The following PTPN4 variants were observed in gnomAD, a reference collection of about 807,000 sequenced individuals.
The protein encoded by PTPN4 is tyrosine-protein phosphatase non-receptor type 4.
Under a neutral mutation model 135.5 loss-of-function variants are expected in PTPN4, and 49 were observed. The ratio of observed to expected loss-of-function variants is 0.36; its 90% CI spans 0.29 to 0.46. PTPN4 has a LOEUF of 0.46. Among genes scored for constraint, PTPN4 ranks in the 20% least tolerant of loss-of-function variants. The probability of loss-of-function intolerance (pLI) is 1.00; values close to 1 mark genes in which losing one functional copy is unlikely to be tolerated. For synonymous variants in PTPN4, 333 were observed against 369.9 expected, an observed-to-expected ratio of 0.90 and a Z score of 1.14; for missense variants, 860 against 1,101.0, an observed-to-expected ratio of 0.78 and a Z score of 3.10.
chr2:119,823,235 C>CTT lies in PTPN4; in HGVS notation c.138+13259_138+13260dup, dbSNP rs904685057. ...CATTCTGGATATACTTCATCTGTTT[C>CTT]TTTTTTTTTTTTTTTTGGAGACGCA... On this transcript the variant is annotated intron_variant, in intron 2 of 26. Transcript: ENST00000263708. 1.1e-4 allele frequency among the ~76,000 whole-genome samples: 15 copies of CTT among 139,618 alleles called. 1 individual carries two copies. The highest frequency in any genetic ancestry group is 1.4e-4 in the Non-Finnish European group (9 of 63,502). 91.6% of individuals were successfully genotyped at this position (139,618 alleles called of 152,430 possible).
chr2:119,856,360 A>C (rs1016369184), intron 2 of PTPN4, among the ~76,000 whole-genome samples: 1 of 152,120 alleles, frequency 6.6e-6, no homozygotes, highest in Non-Finnish European at 1.5e-5. Flanking sequence ...ATTTGCTATT[A>C]CCCGATCAAC....
chr2:119,768,031 A>G (rs1399402387), intron 1 of PTPN4, among the ~76,000 whole-genome samples: 5 of 152,190 alleles, frequency 3.3e-5, no homozygotes, highest in Non-Finnish European at 7.3e-5. Flanking sequence ...GTTGTCACCT[A>G]CATTTATTAG....
intron 1 of PTPN4, among the ~76,000 whole-genome samples, chr2:119,802,979 T>C (rs570408467): frequency 1.3e-5 from 2 of 152,302 alleles, no homozygotes; most frequent in South Asian, 4.1e-4. Context: ...TTATGTCAAA[T>C]TGATGTATAA....
chr2:119,903,128 C>T (rs549990212), intron 10 of PTPN4, among the ~76,000 whole-genome samples: 1 of 152,212 alleles, frequency 6.6e-6, no homozygotes, highest in Non-Finnish European at 1.5e-5. Flanking sequence ...ATGGGCAGTG[C>T]AGTGTGCCAG....
In PTPN4 at chr2:119,956,825, C is replaced by CTTTT; in HGVS notation, c.1981-6_1981-3dup. Reference sequence around the variant, plus strand: ...TTTATGGCTTTTGTTGGAATTGTACCTTTTTTTTTTTTTTTTAGCAACTGT... The same window carrying CTTTT: ...TTTATGGCTTTTGTTGGAATTGTACCTTTTTTTTTTTTTTTTTTTTAGCAACTGT... On this transcript the variant is annotated intron_variant, in intron 20 of 26. Coordinates refer to ENST00000263708, the MANE Select transcript of PTPN4 (RefSeq NM_002830.4). The CTTTT allele has an allele frequency of 3.0e-5, 45 of 1,505,874 alleles. No individual in the cohort carries two copies. The highest frequency in any genetic ancestry group is 2.1e-4 in the East Asian group (9 of 42,462). 93.3% of individuals were successfully genotyped at this position (1,505,874 alleles called of 1,614,324 possible). A position where few individuals can be genotyped will look rare whatever the true frequency, so the allele number is the denominator to read the frequency against.
intron 3 of PTPN4, among the ~76,000 whole-genome samples, chr2:119,874,290 A>T (rs902294582): frequency 6.6e-6 from 1 of 152,208 alleles, no homozygotes; most frequent in Non-Finnish European, 1.5e-5. Flanking sequence ...AGTTAAATAT[A>T]CAATTATCCT....
chr2:119,886,871 G>C (rs192247343), intron 9 of PTPN4, among the ~76,000 whole-genome samples: 9 of 152,198 alleles, frequency 5.9e-5, no homozygotes, highest in African/African-American at 2.2e-4. Flanking sequence ...TAAAAGACCA[G>C]ATGAATTGCT....
intron 1 of PTPN4, among the ~76,000 whole-genome samples, chr2:119,788,997 T>C: frequency 6.6e-6 from 1 of 152,210 alleles, no homozygotes; most frequent in Non-Finnish European, 1.5e-5. Flanking sequence ...ACAACTCTAC[T>C]GTTTTCCACA....
intron 26 of PTPN4, among the ~76,000 whole-genome samples, chr2:119,972,185 A>C (rs567007889): frequency 3.3e-5 from 5 of 151,614 alleles, no homozygotes; most frequent in African/African-American, 1.2e-4. Context: ...TAAAAAAAAA[A>C]CCAGCAACCA....
chr2:119,806,529 A>G (rs1451867976), intron 1 of PTPN4, among the ~76,000 whole-genome samples: 2 of 152,224 alleles, frequency 1.3e-5, no homozygotes, highest in African/African-American at 4.8e-5. Context: ...AGAGCTAACT[A>G]TCCTAAATAT....
intron 15 of PTPN4, 33 bp from the exon 16 acceptor site, chr2:119,945,048 T>C (rs1323645805): frequency 4.5e-6 from 7 of 1,554,712 alleles, no homozygotes; most frequent in Admixed American, 2.2e-5. Context: ...AAAAAAGTTA[T>C]GAAACAACTT....
At chr2:119,946,195 C>A in intron 16 of PTPN4, 146 bp from the exon 17 acceptor site, 1 of 608,508 alleles carries the variant, frequency 1.6e-6, no homozygotes, top group Non-Finnish European at 2.7e-6. Context: ...AAAGAATTTA[C>A]TCTTCTGAAC....
At chr2:119,900,889 C>A (rs367718813) in intron 10 of PTPN4, 83 bp downstream of exon 10, 3 of 800,888 alleles carry the variant, frequency 3.7e-6, no homozygotes, top group East Asian at 3.1e-5. Context: ...GGCTGTTGAA[C>A]TATTTTAATG....
chr2:119,778,264 C>T (rs1690874840), intron 1 of PTPN4, among the ~76,000 whole-genome samples: 1 of 152,162 alleles, frequency 6.6e-6, no homozygotes. Flanking sequence ...AAAGAACTAG[C>T]TGGCTGCTTC....
intron 2 of PTPN4, among the ~76,000 whole-genome samples, chr2:119,839,345 G>A (rs1161252237): frequency 6.6e-6 from 1 of 152,038 alleles, no homozygotes; most frequent in East Asian, 1.9e-4. Context: ...TCTTATACTC[G>A]CAGAAGATTT....
intron 1 of PTPN4, among the ~76,000 whole-genome samples, chr2:119,788,961 T>C (rs1691092167): frequency 1.3e-5 from 2 of 152,226 alleles, no homozygotes; most frequent in African/African-American, 2.4e-5. Flanking sequence ...AATCATAGGA[T>C]AATTCTATTT....
At chr2:119,889,504 T>C (rs549229742) in intron 9 of PTPN4, among the ~76,000 whole-genome samples, 3 of 152,374 alleles carry the variant, frequency 2.0e-5, no homozygotes, top group South Asian at 2.1e-4. Context: ...ATTTTACTTA[T>C]TTGGGTGTTC....
chr2:119,933,310 T>C (rs1476200819), intron 14 of PTPN4, among the ~76,000 whole-genome samples: 2 of 152,206 alleles, frequency 1.3e-5, no homozygotes, highest in Admixed American at 6.5e-5. Flanking sequence ...TGAATTTTGG[T>C]ATGAAATATA....
At chr2:119,795,195 C>G (rs931552097) in intron 1 of PTPN4, among the ~76,000 whole-genome samples, 1 of 152,148 alleles carries the variant, frequency 6.6e-6, no homozygotes, top group Non-Finnish European at 1.5e-5. Flanking sequence ...CTGCTTGGTC[C>G]ATGGGTGGCC....
Sources: allele counts gnomAD v4.1 joint callset (sites outside exome capture counted in the v4.1 genomes callset), GRCh38; gene constraint gnomAD v4.1.1; transcripts MANE v1.5; gene names NCBI Gene and HGNC (gene_info 2026-07-23, HGNC 2026-07-21).